Variants in AMMECR1 observed in about 807,000 individuals in gnomAD.
AMMECR1 encodes the protein AMMECR nuclear protein 1.
In AMMECR1, 3 loss-of-function variants were observed where a neutral mutation model predicts 22.5. That is an observed-to-expected ratio of 0.13 (90% CI 0.06 to 0.35). The LOEUF (loss-of-function observed/expected upper bound fraction) is 0.35, where lower values mean the gene tolerates loss of function less well. Ranked by LOEUF, AMMECR1 falls within the 10% of genes least tolerant of loss-of-function variation. AMMECR1 has a pLI of 1.00. For missense variants in AMMECR1, 235 were observed against 278.7 expected, an observed-to-expected ratio of 0.84 and a Z score of 1.12; for synonymous variants, 130 against 116.7, an observed-to-expected ratio of 1.11 and a Z score of -0.74.
intron 2 of AMMECR1, among the ~76,000 whole-genome samples, chrX:110,368,392 C>T (rs897351472): frequency 1.1e-4 from 12 of 111,394 alleles, no homozygotes; most frequent in Non-Finnish European, 5.7e-5. Flanking sequence ...CTGTCACTCT[C>T]CTCTTTGATT....
intron 2 of AMMECR1, among the ~76,000 whole-genome samples, chrX:110,226,463 C>T (rs5985449): frequency 0.016 from 1,780 of 111,100 alleles, 39 homozygotes; most frequent in African/African-American, 0.054. Context: ...AAAAATTAGC[C>T]GGGCATGGTG....
Position 110,202,461 on chromosome X carries a change from C to A in AMMECR1, c.775G>T (p.Val259Phe). 1 of 1,207,122 alleles carries A rather than the reference C, an allele frequency of 8.3e-7. No individual in the cohort carries two copies. The highest frequency in any genetic ancestry group is 1.1e-6 in the Non-Finnish European group (1 of 891,758). ...SKRTATYLPE[V>F]AKEQGWDHIQ... ...CAACAATGACCTTGCTCCTTTGCAA[C>A]CTCCGGTAGGTAGGTGGCGGTGCGT... Residue 259 changes from valine (V) to phenylalanine (F), a missense_variant, in exon 4 of 6, where the codon GTT becomes TTT. Coordinates refer to ENST00000262844, the MANE Select transcript of AMMECR1 (RefSeq NM_015365.3).
chrX:110,349,817 C>T (rs1374525621), intron 2 of AMMECR1, among the ~76,000 whole-genome samples: 1 of 111,789 alleles, frequency 8.9e-6, no homozygotes. Flanking sequence ...ATACACATTA[C>T]TTGTCAAATG....
chrX:110,228,971 T>C (rs2067548112), intron 2 of AMMECR1, among the ~76,000 whole-genome samples: 1 of 112,554 alleles, frequency 8.9e-6, no homozygotes, highest in Admixed American at 9.4e-5. Context: ...GTCCCTATTG[T>C]AAAAGCAACT....
At chrX:110,434,523 C>T (rs1233677147) in intron 1 of AMMECR1, among the ~76,000 whole-genome samples, 1 of 111,414 alleles carries the variant, frequency 9.0e-6, no homozygotes, top group Non-Finnish European at 1.9e-5. Context: ...GTAGAAACCT[C>T]AGGGCTGGCT....
At chrX:110,393,017 G>C (rs914479433) in intron 2 of AMMECR1, among the ~76,000 whole-genome samples, 2 of 111,513 alleles carry the variant, frequency 1.8e-5, no homozygotes, top group African/African-American at 3.3e-5. Flanking sequence ...TTCTTTATGG[G>C]GACATGTGCT....
At chrX:110,382,081 C>T (rs138303390) in intron 2 of AMMECR1, among the ~76,000 whole-genome samples, 2,901 of 111,776 alleles carry the variant, frequency 0.026, 91 homozygotes, top group African/African-American at 0.089. Flanking sequence ...ATGCTGTTGA[C>T]AGTATTTTTA....
At chrX:110,358,184 T>C (rs756499098) in intron 2 of AMMECR1, among the ~76,000 whole-genome samples, 1 of 111,853 alleles carries the variant, frequency 8.9e-6, no homozygotes, top group African/African-American at 3.2e-5. Context: ...GAGTTGCGGG[T>C]TCTTTCTCTG....
chrX:110,323,684 TG>T (rs1294902696), intron 2 of AMMECR1, among the ~76,000 whole-genome samples: 1 of 112,507 alleles, frequency 8.9e-6, no homozygotes, highest in East Asian at 2.8e-4. Flanking sequence ...TTGCACTTTT[TG>T]GTTGTTATGA....
intron 2 of AMMECR1, among the ~76,000 whole-genome samples, chrX:110,231,540 G>A (rs961097049): frequency 8.9e-6 from 1 of 111,972 alleles, no homozygotes; most frequent in African/African-American, 3.3e-5. Flanking sequence ...AGAAACAACT[G>A]GTACCAGCCA....
chrX:110,418,016 A>G (rs971090031), intron 2 of AMMECR1, among the ~76,000 whole-genome samples: 12 of 112,530 alleles, frequency 1.1e-4, no homozygotes, highest in South Asian at 3.7e-4. Flanking sequence ...TGGCATTTAC[A>G]TTTGGCCTTG....
intron 2 of AMMECR1, among the ~76,000 whole-genome samples, chrX:110,370,034 T>G (rs1183384083): frequency 9.0e-6 from 1 of 110,601 alleles, no homozygotes; most frequent in Non-Finnish European, 1.9e-5. Flanking sequence ...CTATATTGAG[T>G]CTGAATCTGC....
chrX:110,209,111 G>T (rs1015751432), intron 3 of AMMECR1, among the ~76,000 whole-genome samples: 1 of 110,814 alleles, frequency 9.0e-6, no homozygotes, highest in Non-Finnish European at 1.9e-5. Flanking sequence ...GGTGGGCGGG[G>T]GGAAGAAATC....
intron 2 of AMMECR1, among the ~76,000 whole-genome samples, chrX:110,354,385 T>C (rs2068222426): frequency 8.9e-6 from 1 of 112,240 alleles, no homozygotes; most frequent in Non-Finnish European, 1.9e-5. Context: ...TTATTCCCTT[T>C]AAACAATATA....
rs148135404 is a variant in AMMECR1 at position 110,326,230 on chromosome X, G to A, written c.-147-8381C>T. 1.2e-3 allele frequency among the ~76,000 whole-genome samples: 137 copies of A among 111,813 alleles called. 2 individuals are homozygous for A. In the East Asian group the frequency reaches 0.035, roughly 28 times the overall value. On this transcript the variant is annotated intron_variant, in intron 2 of 7. Coordinates refer to the AMMECR1 transcript ENST00000372057. ...TGACCCCAAACTCCTGATCTCCAGT[G>A]ATCCACCCACCTCGGTCTCCTAAAG... is the stretch of plus-strand genomic sequence containing the variant.
At chrX:110,311,200 A>G (rs1045032859) in intron 1 of AMMECR1, among the ~76,000 whole-genome samples, 1 of 111,578 alleles carries the variant, frequency 9.0e-6, no homozygotes, top group Non-Finnish European at 1.9e-5. Context: ...TTCAAGATCT[A>G]CTGGTCAAAC....
chrX:110,415,328 A>C (rs943565596), intron 2 of AMMECR1, among the ~76,000 whole-genome samples: 9 of 112,707 alleles, frequency 8.0e-5, no homozygotes, highest in African/African-American at 2.9e-4. Context: ...CTATGACTAC[A>C]GTGCTATAAA....
At chrX:110,210,333 C>A (rs1442324688) in intron 3 of AMMECR1, among the ~76,000 whole-genome samples, 1 of 110,203 alleles carries the variant, frequency 9.1e-6, no homozygotes, top group African/African-American at 3.3e-5. Context: ...AAAAACTCAA[C>A]GTCCCTGGGA....
intron 2 of AMMECR1, among the ~76,000 whole-genome samples, chrX:110,407,332 G>T (rs141057207): frequency 3.8e-3 from 426 of 112,108 alleles, no homozygotes; most frequent in Non-Finnish European, 4.8e-3. Context: ...TTCAACCCAG[G>T]ATGCAGATTC....
Sources: gnomAD v4.1 joint callset for allele counts (sites outside exome capture counted in the v4.1 genomes callset) on GRCh38, gnomAD v4.1.1 for gene constraint, MANE v1.5 for transcripts, NCBI Gene and HGNC (gene_info 2026-07-23, HGNC 2026-07-21) for gene names.